NKAIN2: variants seen among roughly 807,000 people sequenced by gnomAD.
NKAIN2 encodes the protein sodium/potassium-transporting ATPase subunit beta-1-interacting protein 2.
A neutral mutation model predicts 32.6 loss-of-function variants in NKAIN2; 14 were observed. The observed-to-expected ratio is 0.43, with a 90% CI of 0.28 to 0.67. NKAIN2 has a LOEUF of 0.67. Among genes scored for constraint, NKAIN2 ranks in the 30% least tolerant of loss-of-function variants. The pLI, the probability that NKAIN2 is intolerant of heterozygous loss-of-function variation, is 0.17. For missense variants in NKAIN2, 198 were observed against 258.3 expected, an observed-to-expected ratio of 0.77 and a Z score of 1.60; for synonymous variants, 80 against 87.2, an observed-to-expected ratio of 0.92 and a Z score of 0.46.
At chr6:124,267,856 A>G (rs191649258) in intron 1 of NKAIN2, among the ~76,000 whole-genome samples, 2 of 152,280 alleles carry the variant, frequency 1.3e-5, no homozygotes, top group East Asian at 1.9e-4. Context: ...TTTATTGTCT[A>G]TGAATTTTTA....
At chr6:124,045,865 C>T (rs1562326779) in intron 1 of NKAIN2, among the ~76,000 whole-genome samples, 3 of 151,918 alleles carry the variant, frequency 2.0e-5, no homozygotes. Context: ...TCATACATTA[C>T]TAGAGGGGCA....
At chr6:123,967,485 T>G (rs954520053) in intron 1 of NKAIN2, among the ~76,000 whole-genome samples, 2 of 152,218 alleles carry the variant, frequency 1.3e-5, no homozygotes, top group Admixed American at 1.3e-4. Context: ...TGCTACTCTC[T>G]ATTGTTTGTT....
intron 1 of NKAIN2, among the ~76,000 whole-genome samples, chr6:123,904,847 C>T (rs1360323598): frequency 1.3e-5 from 2 of 152,116 alleles, no homozygotes; most frequent in African/African-American, 2.4e-5. Context: ...AAGGACAGAA[C>T]GAGTTGGTGT....
chr6:124,365,790 A>T (rs1327791295), intron 3 of NKAIN2, among the ~76,000 whole-genome samples: 1 of 152,090 alleles, frequency 6.6e-6, no homozygotes, highest in Non-Finnish European at 1.5e-5. Context: ...TTTTAGAATG[A>T]TTTGCAATTA....
At chr6:124,726,120 G>T (rs973296255) in intron 4 of NKAIN2, among the ~76,000 whole-genome samples, 7 of 152,196 alleles carry the variant, frequency 4.6e-5, no homozygotes, top group Non-Finnish European at 8.8e-5. Context: ...AGGCGGCAGC[G>T]AGCCTGGGGG....
chr6:124,305,391 A>G (rs958844558), intron 2 of NKAIN2, among the ~76,000 whole-genome samples: 3 of 152,160 alleles, frequency 2.0e-5, no homozygotes, highest in African/African-American at 7.2e-5. Context: ...TATTTATGGT[A>G]TCTTTGGCAG....
chr6:124,685,345 A>C (rs747837396), intron 4 of NKAIN2, among the ~76,000 whole-genome samples: 2 of 152,196 alleles, frequency 1.3e-5, no homozygotes, highest in Non-Finnish European at 2.9e-5. Flanking sequence ...TGAAGGATGC[A>C]TTAAATTTGA....
chr6:124,485,658 C>T (rs1040612122), intron 3 of NKAIN2, among the ~76,000 whole-genome samples: 3 of 152,006 alleles, frequency 2.0e-5, no homozygotes, highest in Admixed American at 6.6e-5. Context: ...TTCATGGGGA[C>T]CCCTCAGATG....
chr6:123,860,130 A>G lies in NKAIN2; in HGVS notation c.54+55876A>G, dbSNP rs541922863. ...TACTTGAAGCACTGAAAACACATCT[A>G]CTCTCTAAAAGTACAAGATGTTGAG... On this transcript the variant is annotated intron_variant, in intron 1 of 6. Coordinates refer to ENST00000368417, the MANE Select transcript of NKAIN2 (RefSeq NM_001040214.3). Among the ~76,000 whole-genome samples the G allele has an allele frequency of 9.0e-4, 137 of 152,148 alleles. 1 individual carries two copies. The highest frequency in any genetic ancestry group is 1.5e-3 in the Non-Finnish European group (104 of 68,040).
intron 3 of NKAIN2, among the ~76,000 whole-genome samples, chr6:124,424,792 A>G (rs1440849970): frequency 6.6e-6 from 1 of 152,076 alleles, no homozygotes; most frequent in African/African-American, 2.4e-5. Flanking sequence ...TGTTTTCTAT[A>G]TGTCTATATG....
chr6:124,232,539 TAGAG>T (rs1054592417), intron 1 of NKAIN2, among the ~76,000 whole-genome samples: 1 of 152,156 alleles, frequency 6.6e-6, no homozygotes, highest in Non-Finnish European at 1.5e-5. Flanking sequence ...AGTAGATCCT[TAGAG>T]AGAAACAGAG....
chr6:124,426,245 G>A (rs332636), intron 3 of NKAIN2, among the ~76,000 whole-genome samples: 22,208 of 152,144 alleles, frequency 0.15, 1,995 homozygotes, highest in East Asian at 0.24. Context: ...TACTTTTCCA[G>A]TGGAAGAAAA....
chr6:124,107,985 CAT>C (rs1230869521), intron 1 of NKAIN2, among the ~76,000 whole-genome samples: 1 of 152,016 alleles, frequency 6.6e-6, no homozygotes, highest in Non-Finnish European at 1.5e-5. Flanking sequence ...TTGCAATGGA[CAT>C]GTGAGGTCAA....
chr6:124,606,601 C>T (rs1323643813), intron 3 of NKAIN2, among the ~76,000 whole-genome samples: 3 of 151,952 alleles, frequency 2.0e-5, no homozygotes, highest in African/African-American at 7.2e-5. Flanking sequence ...TACAATTTCA[C>T]AATTTCTAGT....
At chr6:124,353,628 G>A (rs1362467337) in intron 2 of NKAIN2, among the ~76,000 whole-genome samples, 1 of 152,122 alleles carries the variant, frequency 6.6e-6, no homozygotes, top group Admixed American at 6.5e-5. Context: ...AGTGGCAGGC[G>A]CCTGTAGTCC....
chr6:124,089,544 T>C (rs1199315171), intron 1 of NKAIN2, among the ~76,000 whole-genome samples: 1 of 151,960 alleles, frequency 6.6e-6, no homozygotes, highest in East Asian at 1.9e-4. Context: ...TTACTATGTC[T>C]GTGTTTATGT....
chr6:123,808,732 C>T (rs978267700), intron 1 of NKAIN2, among the ~76,000 whole-genome samples: 4 of 152,142 alleles, frequency 2.6e-5, no homozygotes, highest in Admixed American at 6.5e-5. Flanking sequence ...GCATGGGGCC[C>T]GTATGTGGGT....
chr6:123,970,696 C>T (rs1212955539), intron 1 of NKAIN2, among the ~76,000 whole-genome samples: 3 of 151,786 alleles, frequency 2.0e-5, no homozygotes, highest in African/African-American at 4.8e-5. Context: ...CTGGGTAACA[C>T]GGTGAAACCC....
At chr6:124,507,586 G>A (rs1281342491) in intron 3 of NKAIN2, among the ~76,000 whole-genome samples, 1 of 152,040 alleles carries the variant, frequency 6.6e-6, no homozygotes, top group Non-Finnish European at 1.5e-5. Flanking sequence ...AGCATTTTGT[G>A]TATGTTTTCA....
Sources: allele counts gnomAD v4.1 joint callset (sites outside exome capture counted in the v4.1 genomes callset), GRCh38; gene constraint gnomAD v4.1.1; transcripts MANE v1.5; gene names NCBI Gene and HGNC (gene_info 2026-07-23, HGNC 2026-07-21).